The following GTPBP10 variants were observed in gnomAD, a reference collection of about 807,000 sequenced individuals.
GTPBP10 encodes the protein GTP binding protein 10, also known as GTP-binding protein 10.
Under a neutral mutation model 44.8 loss-of-function variants are expected in GTPBP10, and 38 were observed. The observed-to-expected ratio is 0.85, with a 90% CI of 0.65 to 1.11. The LOEUF is 1.11. Among genes scored for constraint, GTPBP10 ranks in the 50% most tolerant of loss-of-function variants. The pLI is 0.00. For synonymous variants in GTPBP10, 152 were observed against 150.6 expected (o/e 1.01, Z -0.07); for missense variants, 462 against 453.7 (o/e 1.02, Z -0.17).
At chr7:90,367,713 A>T (rs1264093755) in intron 4 of GTPBP10, among the ~76,000 whole-genome samples, 1 of 152,088 alleles carries the variant, frequency 6.6e-6, no homozygotes, top group African/African-American at 2.4e-5. Context: ...CAGTACACCA[A>T]TGGGTCTTGA....
At position 90,353,033 on chromosome 7, in the gene GTPBP10, A is replaced by C. The variant is rs1197086902; in HGVS notation, c.227+24A>C. ...AAGTAAGTAATTACTGAATGACTTA[A>C]ATTTTAGAAAATCAAACCCTTCTGG... On this transcript the variant is annotated intron_variant, in intron 2 of 9. Coordinates refer to ENST00000222511, the MANE Select transcript of GTPBP10 (RefSeq NM_033107.4). The C allele has an allele frequency of 3.4e-6, 5 of 1,464,474 alleles. No individual in the cohort carries two copies. The East Asian group carries it at 9.4e-5, about 28-fold the overall frequency. The allele number at this position is 1,464,474 out of a possible 1,614,324, so 90.7% of individuals were successfully genotyped here. A position where few individuals can be genotyped will look rare whatever the true frequency, so the allele number is the denominator to read the frequency against.
Position 90,372,140 on chromosome 7 carries a change from A to T in GTPBP10, c.465-15A>T. 1 of 1,536,834 alleles carries T rather than the reference A, an allele frequency of 6.5e-7. No individual in the cohort carries two copies. The highest frequency in any genetic ancestry group is 1.1e-5 in the South Asian group (1 of 87,798). ...AATATTGACATTTGTGTATAATTTT[A>T]TATTCTTGTTTCAGATTCCCAAATG... On this transcript the variant is annotated splice_polypyrimidine_tract_variant and intron_variant, in intron 4 of 9. Transcript: ENST00000222511.
intron 4 of GTPBP10, among the ~76,000 whole-genome samples, chr7:90,365,084 G>A (rs927706530): frequency 1.3e-5 from 2 of 152,148 alleles, no homozygotes; most frequent in African/African-American, 2.4e-5. Flanking sequence ...TCCCAAGTGA[G>A]GCAATGCCTT....
chr7:90,362,682 T>A (rs1382290312), intron 4 of GTPBP10, among the ~76,000 whole-genome samples: 2 of 152,216 alleles, frequency 1.3e-5, no homozygotes, highest in Non-Finnish European at 2.9e-5. Flanking sequence ...AATTCCTGGA[T>A]ATCCTGGTTA....
rs1796508676 is a variant in GTPBP10, at chr7:90,385,483, A to C, written c.*329A>C. On this transcript the variant is annotated 3_prime_UTR_variant, in exon 10 of 10. Transcript: ENST00000222511. ...CAACAATGTATTTTGAAAGTCACTG[A>C]GTAAATTTTAAGTGGTTTTTCCAAA... 2 of 178,470 alleles carry C rather than the reference A, an allele frequency of 1.1e-5. No homozygotes were observed. The highest frequency in any genetic ancestry group is 1.2e-4 in the Admixed American group (2 of 16,894). 11.1% of individuals were successfully genotyped at this position (178,470 alleles called of 1,614,324 possible).
intron 1 of GTPBP10, 91 bp downstream of exon 1, chr7:90,346,865 C>A: frequency 2.8e-6 from 4 of 1,414,508 alleles, no homozygotes; most frequent in South Asian, 1.2e-5. Flanking sequence ...GTCTTCGTGG[C>A]GGCCTTTTCC....
chr7:90,382,388 G>T (rs1347951633), intron 8 of GTPBP10, among the ~76,000 whole-genome samples: 1 of 152,124 alleles, frequency 6.6e-6, no homozygotes, highest in Non-Finnish European at 1.5e-5. Context: ...AAAGTGCTGA[G>T]ATTACAGGCA....
chr7:90,368,765 A>G (rs185459125), intron 4 of GTPBP10, among the ~76,000 whole-genome samples: 3 of 152,258 alleles, frequency 2.0e-5, no homozygotes, highest in Admixed American at 2.0e-4. Context: ...GAAGTTTTTT[A>G]TTACCAACCT....
intron 1 of GTPBP10, 116 bp downstream of exon 1, chr7:90,346,890 C>A: frequency 8.8e-7 from 1 of 1,134,036 alleles, no homozygotes; most frequent in Non-Finnish European, 1.3e-6. Context: ...TTGGTTTTCC[C>A]ATAGACTTCT....
chr7:90,351,702 A>G (rs1795793622), intron 1 of GTPBP10, among the ~76,000 whole-genome samples: 2 of 148,170 alleles, frequency 1.3e-5, no homozygotes, highest in African/African-American at 2.5e-5. Context: ...TTTCATAAGC[A>G]TTTTTTTTTT....
intron 7 of GTPBP10, 56 bp downstream of exon 7, chr7:90,377,670 A>G (rs1796364021): frequency 8.3e-7 from 1 of 1,201,078 alleles, no homozygotes; most frequent in Non-Finnish European, 1.2e-6. Flanking sequence ...CAGTGAATTT[A>G]GTTTTTCTAG....
intron 4 of GTPBP10, among the ~76,000 whole-genome samples, chr7:90,370,817 A>G (rs1796243043): frequency 1.3e-5 from 2 of 152,260 alleles, no homozygotes; most frequent in Admixed American, 6.5e-5. Context: ...CATCCTGGCT[A>G]ATATGGTGAA....
chr7:90,356,448 G>A (rs1795901742), intron 4 of GTPBP10, among the ~76,000 whole-genome samples: 1 of 152,176 alleles, frequency 6.6e-6, no homozygotes, highest in African/African-American at 2.4e-5. Flanking sequence ...GCATAAACAT[G>A]TGTTTCAAGT....
chr7:90,372,499 T>TTTTTTTTTTTTTTTTTTG (rs1326838600), intron 5 of GTPBP10, among the ~76,000 whole-genome samples: 1 of 149,680 alleles, frequency 6.7e-6, no homozygotes, highest in African/African-American at 2.5e-5. Flanking sequence ...TTTTTTTTTG[T>TTTTTTTTTTTTTTTTTTG]GGGGACAGGG....
chr7:90,384,749 T>C, intron 9 of GTPBP10, 143 bp from the exon 10 acceptor site: 1 of 671,924 alleles, frequency 1.5e-6, no homozygotes, highest in Non-Finnish European at 2.4e-6. Flanking sequence ...ATCCAAAGGC[T>C]CTGAGAACTT....
At position 90,385,385 on chromosome 7, in the gene GTPBP10, A is replaced by G; in HGVS notation, c.*231A>G. ...GAGGATTGAGGAGATATTGGTCAAA[A>G]TTTACAAAATTTCAGTTAGACAAGG... On this transcript the variant is annotated 3_prime_UTR_variant, in exon 10 of 10. Transcript: ENST00000222511. 1 of 328,394 alleles carries G rather than the reference A, an allele frequency of 3.0e-6. No homozygotes were observed. The highest frequency in any genetic ancestry group is 5.5e-6 in the Non-Finnish European group (1 of 181,822). 20.3% of individuals were successfully genotyped at this position (328,394 alleles called of 1,614,324 possible). A position where few individuals can be genotyped will look rare whatever the true frequency, so the allele number is the denominator to read the frequency against.
chr7:90,358,413 A>C (rs139217559), intron 4 of GTPBP10, among the ~76,000 whole-genome samples: 1 of 152,296 alleles, frequency 6.6e-6, no homozygotes, highest in African/African-American at 2.4e-5. Flanking sequence ...ATTGACAGAG[A>C]AGTAGGTACT....
chr7:90,389,481 G>A lies in GTPBP10; in HGVS notation c.*4327G>A, dbSNP rs1796579559. 1 of 151,920 alleles carries A rather than the reference G, an allele frequency of 6.6e-6. No homozygotes were observed. The highest frequency in any genetic ancestry group is 2.4e-5 in the African/African-American group (1 of 41,300). The allele number at this position is 151,920 out of a possible 1,614,324, so 9.4% of individuals were successfully genotyped here. A position where few individuals can be genotyped will look rare whatever the true frequency, so the allele number is the denominator to read the frequency against. On this transcript the variant is annotated 3_prime_UTR_variant, in exon 10 of 10. Coordinates refer to ENST00000222511, the MANE Select transcript of GTPBP10 (RefSeq NM_033107.4). The stretch of plus-strand genomic sequence containing the variant: ...GGCTCACTGCAGCCTCTGATTCCCT[G>A]GTTCAAGCAATTCTCCTGCCTCAGC...
intron 4 of GTPBP10, among the ~76,000 whole-genome samples, chr7:90,366,712 A>G (rs1412159222): frequency 7.4e-6 from 1 of 135,652 alleles, no homozygotes; most frequent in Non-Finnish European, 1.6e-5. Context: ...TATATTGTAG[A>G]TTCTTTCAAA....
Sources: gnomAD v4.1 joint callset for allele counts (sites outside exome capture counted in the v4.1 genomes callset) on GRCh38, gnomAD v4.1.1 for gene constraint, MANE v1.5 for transcripts, NCBI Gene and HGNC (gene_info 2026-07-23, HGNC 2026-07-21) for gene names.